The following TMEM117 variants were observed in gnomAD, a reference collection of about 807,000 sequenced individuals.
TMEM117 encodes transmembrane protein 117.
A neutral mutation model predicts 52.4 loss-of-function variants in TMEM117; 27 were observed. That is an observed-to-expected ratio of 0.51 (90% CI 0.38 to 0.71). TMEM117 has a LOEUF of 0.71. Ranked by LOEUF, TMEM117 falls within the 30% of genes least tolerant of loss-of-function variation. TMEM117 has a pLI of 0.00. For synonymous variants in TMEM117, 215 were observed against 206.3 expected (o/e 1.04, Z -0.36); for missense variants, 556 against 630.5 (o/e 0.88, Z 1.26).
At chr12:44,026,567 T>G (rs1332321879) in intron 3 of TMEM117, among the ~76,000 whole-genome samples, 1 of 152,210 alleles carries the variant, frequency 6.6e-6, no homozygotes, top group Non-Finnish European at 1.5e-5. Flanking sequence ...GCATTTATTA[T>G]GATTTATAAT....
intron 3 of TMEM117, among the ~76,000 whole-genome samples, chr12:44,078,842 A>C (rs956817014): frequency 1.7e-4 from 26 of 151,380 alleles, no homozygotes; most frequent in Non-Finnish European, 3.5e-4. Context: ...TATTTCTTCT[A>C]ATGCTATCCC....
In TMEM117 at chr12:43,956,837, T is replaced by C. The variant is rs1169511273; in HGVS notation, c.410+12495T>C. On this transcript the variant is annotated intron_variant, in intron 3 of 7. Transcript: ENST00000266534. The stretch of plus-strand genomic sequence containing the variant: ...AAAGGATTTATAAATCATTCTATTA[T>C]AAAGGCACATGCACACCTATGTTCA... Among the ~76,000 whole-genome samples, 4 of 152,260 alleles carry C rather than the reference T, an allele frequency of 2.6e-5. 1 individual carries two copies. In the East Asian group the frequency reaches 5.8e-4, roughly 22 times the overall value.
At chr12:44,023,705 A>G (rs1946488547) in intron 3 of TMEM117, among the ~76,000 whole-genome samples, 1 of 148,604 alleles carries the variant, frequency 6.7e-6, no homozygotes, top group Non-Finnish European at 1.5e-5. Context: ...GTTTGAGTTC[A>G]TTGTAGATTC....
At chr12:43,906,852 C>T (rs978711267) in intron 2 of TMEM117, among the ~76,000 whole-genome samples, 31 of 152,062 alleles carry the variant, frequency 2.0e-4, no homozygotes, top group Non-Finnish European at 3.1e-4. Context: ...CCTACCCCCA[C>T]GGAGTCTCGC....
intron 3 of TMEM117, among the ~76,000 whole-genome samples, chr12:43,962,354 A>G (rs1272172094): frequency 2.0e-5 from 3 of 152,172 alleles, no homozygotes; most frequent in Non-Finnish European, 4.4e-5. Flanking sequence ...TAATTAAGTT[A>G]GTGTCAGAAG....
chr12:43,867,926 A>G (rs1943633672), intron 2 of TMEM117, among the ~76,000 whole-genome samples: 1 of 152,204 alleles, frequency 6.6e-6, no homozygotes, highest in Non-Finnish European at 1.5e-5. Flanking sequence ...TTGAGATCTG[A>G]TGTTCACAGA....
intron 3 of TMEM117, among the ~76,000 whole-genome samples, chr12:43,980,479 T>TAGCTTTA (rs1565779232): frequency 1.3e-5 from 2 of 152,210 alleles, no homozygotes; most frequent in Admixed American, 1.3e-4. Context: ...GAGGCTGTGG[T>TAGCTTTA]AGCTTTAAGC....
At chr12:44,232,986 C>G (rs929361447) in intron 5 of TMEM117, among the ~76,000 whole-genome samples, 4 of 151,182 alleles carry the variant, frequency 2.6e-5, no homozygotes, top group African/African-American at 9.7e-5. Context: ...TTGTAGCCAG[C>G]AAGCTTATTA....
At chr12:43,812,792 G>A in the TMEM117 span, among the ~76,000 whole-genome samples, 2 of 151,600 alleles carry the variant, frequency 1.3e-5, no homozygotes, top group Admixed American at 6.6e-5. Flanking sequence ...ATTACTTGAG[G>A]GAAGGAGTTC....
intron 6 of TMEM117, among the ~76,000 whole-genome samples, chr12:44,309,433 A>T (rs144623299): frequency 9.2e-5 from 14 of 152,002 alleles, no homozygotes; most frequent in African/African-American, 3.4e-4. Context: ...GTTAGATTAA[A>T]TGTGGAATCC....
chr12:43,828,165 T>C, the TMEM117 span, among the ~76,000 whole-genome samples: 12 of 152,178 alleles, frequency 7.9e-5, no homozygotes, highest in African/African-American at 2.9e-4. Flanking sequence ...ATGAATACAG[T>C]GAGGATAGGA....
intron 6 of TMEM117, among the ~76,000 whole-genome samples, chr12:44,317,798 T>G (rs1951077064): frequency 6.6e-6 from 1 of 152,206 alleles, no homozygotes; most frequent in Admixed American, 6.5e-5. Flanking sequence ...CCTTGTTTAC[T>G]GGGAGGTCTC....
chr12:44,264,479 A>T (rs1315690740), intron 5 of TMEM117, among the ~76,000 whole-genome samples: 1 of 152,156 alleles, frequency 6.6e-6, no homozygotes, highest in Non-Finnish European at 1.5e-5. Context: ...TTGTGAAGGA[A>T]TATGTAGACT....
the TMEM117 span, among the ~76,000 whole-genome samples, chr12:43,808,021 T>G: frequency 3.9e-5 from 6 of 152,336 alleles, no homozygotes; most frequent in African/African-American, 1.4e-4. Context: ...CAGGTTTTGT[T>G]TTTTAACTTT....
chr12:44,366,557 A>T (rs1375099725), intron 6 of TMEM117, among the ~76,000 whole-genome samples: 3 of 152,078 alleles, frequency 2.0e-5, no homozygotes, highest in Non-Finnish European at 4.4e-5. Flanking sequence ...ATGAGGATGG[A>T]TAATTTTTCT....
intron 5 of TMEM117, among the ~76,000 whole-genome samples, chr12:44,258,036 C>G (rs543113854): frequency 7.9e-5 from 12 of 152,032 alleles, no homozygotes; most frequent in African/African-American, 2.7e-4. Context: ...TATGAGAAGA[C>G]AGAACATAGT....
intron 3 of TMEM117, among the ~76,000 whole-genome samples, chr12:44,031,888 G>A (rs1490027111): frequency 1.3e-5 from 2 of 152,206 alleles, no homozygotes; most frequent in African/African-American, 4.8e-5. Flanking sequence ...GGAATGGCAT[G>A]CTTTCCTTTA....
chr12:43,813,809 A>G, the TMEM117 span, among the ~76,000 whole-genome samples: 5 of 152,042 alleles, frequency 3.3e-5, no homozygotes, highest in Admixed American at 6.6e-5. Flanking sequence ...GTAACCTGCA[A>G]TTCACTTTAG....
intron 3 of TMEM117, among the ~76,000 whole-genome samples, chr12:44,098,108 GA>G (rs1468313441): frequency 1.3e-5 from 2 of 151,994 alleles, no homozygotes; most frequent in Non-Finnish European, 2.9e-5. Context: ...TTTGAAAATA[GA>G]ATATGCATTG....
Sources: gnomAD v4.1 joint callset for allele counts (sites outside exome capture counted in the v4.1 genomes callset) on GRCh38, gnomAD v4.1.1 for gene constraint, MANE v1.5 for transcripts, NCBI Gene and HGNC (gene_info 2026-07-23, HGNC 2026-07-21) for gene names.